ZNF800: variants seen among roughly 807,000 people sequenced by gnomAD.
ZNF800 encodes the protein zinc finger protein 800.
Under a neutral mutation model 59.5 loss-of-function variants are expected in ZNF800, and 13 were observed. The ratio of observed to expected loss-of-function variants is 0.22; its 90% confidence interval spans 0.14 to 0.35. ZNF800 has a LOEUF of 0.35. ZNF800 is among the 10% of genes least tolerant of loss of function. The pLI, the probability that ZNF800 is intolerant of heterozygous loss-of-function variation, is 1.00. For missense variants in ZNF800, 621 were observed against 783.7 expected (o/e 0.79, Z 2.48); for synonymous variants, 266 against 265.7 (o/e 1.00, Z -0.01).
chr7:127,381,078 C>T (rs1043030620), intron 3 of ZNF800, among the ~76,000 whole-genome samples: 5 of 152,182 alleles, frequency 3.3e-5, no homozygotes, highest in Non-Finnish European at 5.9e-5. Context: ...GGATGGCAGT[C>T]ACATTACAAT....
intron 1 of ZNF800, among the ~76,000 whole-genome samples, chr7:127,348,886 G>A (rs1212416208): frequency 1.3e-5 from 2 of 152,106 alleles, no homozygotes; most frequent in African/African-American, 4.8e-5. Flanking sequence ...GCAAAGTGGT[G>A]GACATCAAAA....
intron 1 of ZNF800, chr7:127,348,059 G>C (rs1013470499): frequency 1.3e-5 from 2 of 151,524 alleles, no homozygotes; most frequent in African/African-American, 4.8e-5. Context: ...GCCCGCACGG[G>C]TGGCAGCGGT....
chr7:127,361,330 C>A (rs921766483), intron 1 of ZNF800: 1 of 152,092 alleles, frequency 6.6e-6, no homozygotes, highest in Non-Finnish European at 1.5e-5. Flanking sequence ...GTAATCCCAT[C>A]GCTTTGTGAA....
At chr7:127,379,526 T>C (rs1800891801) in intron 3 of ZNF800, among the ~76,000 whole-genome samples, 1 of 152,146 alleles carries the variant, frequency 6.6e-6, no homozygotes, top group Admixed American at 6.6e-5. Context: ...ATAGGATACA[T>C]GTACATGGCT....
At chr7:127,391,209 A>G (rs1293166514) in intron 2 of ZNF800, among the ~76,000 whole-genome samples, 2 of 152,200 alleles carry the variant, frequency 1.3e-5, no homozygotes, top group Non-Finnish European at 2.9e-5. Flanking sequence ...TACAGACCAT[A>G]GGAGTATATT....
chr7:127,372,633 C>A (rs555792577), intron 5 of ZNF800: 2 of 984,720 alleles, frequency 2.0e-6, no homozygotes, highest in African/African-American at 3.5e-5. Flanking sequence ...AGAGGGGAAG[C>A]ATTTGGGACC....
At chr7:127,348,706 C>G (rs1385983933) in intron 1 of ZNF800, among the ~76,000 whole-genome samples, 1 of 152,198 alleles carries the variant, frequency 6.6e-6, no homozygotes, top group Non-Finnish European at 1.5e-5. Flanking sequence ...GCAGTTATCT[C>G]CAGGTGATAA....
At chr7:127,380,770 A>G (rs1800955198) in intron 3 of ZNF800, among the ~76,000 whole-genome samples, 1 of 152,152 alleles carries the variant, frequency 6.6e-6, no homozygotes, top group Admixed American at 6.5e-5. Context: ...TTCTTTTCCT[A>G]TATTGCTCTC....
rs190776312 is a variant in ZNF800, at chr7:127,371,510, T to G, written c.*304A>C. ...TCAACAAATTGTTTAGAAAACAAAA[T>G]TTGTAACATTTTTGTAGAAACTGTC... On this transcript the variant is annotated 3_prime_UTR_variant, in exon 6 of 6. Transcript: ENST00000265827. 45 of 263,514 alleles carry G rather than the reference T, an allele frequency of 1.7e-4. No homozygotes were observed. Among genetic ancestry groups the G allele is most frequent in the Non-Finnish European group, 3.0e-4 (42 of 140,564 alleles). The allele number at this position is 263,514 out of a possible 1,614,324, so 16.3% of individuals were successfully genotyped here.
downstream of ZNF800, chr7:127,370,011 T>C (rs1242123682): frequency 6.6e-6 from 1 of 152,144 alleles, no homozygotes; most frequent in Non-Finnish European, 1.5e-5. Flanking sequence ...ATATGTCTTG[T>C]GTGTAGGAAT....
At position 127,381,423 on chromosome 7, in the gene ZNF800, C is replaced by T. The variant is rs556040569; in HGVS notation, c.158-4094G>A. Among the ~76,000 whole-genome samples, 3 of 136,782 alleles carry T rather than the reference C, an allele frequency of 2.2e-5. No individual in the cohort carries two copies. In the South Asian group the frequency reaches 7.6e-4, roughly 35 times the overall value. 89.7% of individuals were successfully genotyped at this position (136,782 alleles called of 152,430 possible). A position where few individuals can be genotyped will look rare whatever the true frequency, so the allele number is the denominator to read the frequency against. On this transcript the variant is annotated intron_variant, in intron 3 of 5. Transcript: ENST00000265827. ...GAAAGTTCTATCCTAAAACTATCAC[C>T]TGTAAGGGCTGGTTAAATATATATA...
At chr7:127,387,670 G>A (rs567530237) in intron 2 of ZNF800, among the ~76,000 whole-genome samples, 2 of 152,142 alleles carry the variant, frequency 1.3e-5, no homozygotes, top group East Asian at 3.9e-4. Context: ...AGACCAGCCT[G>A]GGCAAAATGG....
rs11539276 is a variant in ZNF800, at chr7:127,392,399, G to C, written c.-398C>G. ...GCAGCTGCCGCCGCCACCACCGAAGGAGCCGGAACCGGAGCGGGCAGGACC... is the reference window on the plus strand; with the variant it reads ...GCAGCTGCCGCCGCCACCACCGAAGCAGCCGGAACCGGAGCGGGCAGGACC... On this transcript the variant is annotated 5_prime_UTR_variant, in exon 1 of 6. Transcript: ENST00000265827. 5.3e-6 allele frequency: 2 copies of C among 379,820 alleles called. No individual in the cohort carries two copies. Among genetic ancestry groups the C allele is most frequent in the Non-Finnish European group, 9.3e-6 (2 of 214,394 alleles). 23.5% of individuals were successfully genotyped at this position (379,820 alleles called of 1,614,324 possible). A position where few individuals can be genotyped will look rare whatever the true frequency, so the allele number is the denominator to read the frequency against.
chr7:127,388,831 A>G (rs1801221403), intron 2 of ZNF800, among the ~76,000 whole-genome samples: 2 of 152,170 alleles, frequency 1.3e-5, no homozygotes, highest in African/African-American at 4.8e-5. Context: ...CTCCCACTCT[A>G]AAGAAACAAT....
downstream of ZNF800, among the ~76,000 whole-genome samples, chr7:127,365,405 T>C (rs1455547271): frequency 1.3e-5 from 2 of 152,150 alleles, no homozygotes; most frequent in Non-Finnish European, 2.9e-5. Flanking sequence ...ACTGAAGTGT[T>C]GTTCCTGCCT....
chr7:127,369,664 T>G (rs1469536360), downstream of ZNF800, among the ~76,000 whole-genome samples: 1 of 152,114 alleles, frequency 6.6e-6, no homozygotes, highest in African/African-American at 2.4e-5. Flanking sequence ...ACAGTGCTAT[T>G]TTTCCTACAT....
chr7:127,382,812 T>C (rs1801013691), intron 3 of ZNF800, among the ~76,000 whole-genome samples: 1 of 152,230 alleles, frequency 6.6e-6, no homozygotes, highest in Admixed American at 6.5e-5. Context: ...TGTTTGTATA[T>C]GTATAAAAGG....
At chr7:127,348,657 A>G (rs940387598) in intron 1 of ZNF800, among the ~76,000 whole-genome samples, 2 of 152,280 alleles carry the variant, frequency 1.3e-5, no homozygotes, top group Non-Finnish European at 2.9e-5. Context: ...ACGACACATC[A>G]CATATGTAAT....
At chr7:127,345,303 C>A (rs189997083), downstream of ZNF800, among the ~76,000 whole-genome samples, 18 of 151,732 alleles carry the variant, frequency 1.2e-4, no homozygotes, top group East Asian at 1.4e-3. Context: ...AGACCCCCCC[C>A]CCAAAGGTAA....
Sources: allele counts gnomAD v4.1 joint callset (sites outside exome capture counted in the v4.1 genomes callset), GRCh38; gene constraint gnomAD v4.1.1; transcripts MANE v1.5; gene names NCBI Gene and HGNC (gene_info 2026-07-23, HGNC 2026-07-21).